The following LDLRAD3 variants were observed in gnomAD, a reference collection of about 807,000 sequenced individuals.
LDLRAD3 encodes the protein low-density lipoprotein receptor class A domain-containing protein 3.
In LDLRAD3, 20 loss-of-function variants were observed where a neutral mutation model predicts 29.4. The observed-to-expected ratio is 0.68, with a 90% CI of 0.48 to 0.99. LDLRAD3 has a LOEUF of 0.99. Ranked by LOEUF, LDLRAD3 falls within the 50% of genes least tolerant of loss-of-function variation. The pLI, the probability that LDLRAD3 is intolerant of heterozygous loss-of-function variation, is 0.00. For missense variants in LDLRAD3, 420 were observed against 454.3 expected (o/e 0.92, Z 0.69); for synonymous variants, 157 against 192.7 (o/e 0.81, Z 1.53).
At position 36,183,861 on chromosome 11, in the gene LDLRAD3, G is replaced by A. The variant is rs540447010; in HGVS notation, c.455-43224G>A. ...GTTCATTTATTCTTTTTTCATCTGT[G>A]TCTAATCTACGGTTAAGTGGGTCCA... On this transcript the variant is annotated intron_variant, in intron 4 of 5. Transcript: ENST00000315571. Among the ~76,000 whole-genome samples, 5 of 151,510 alleles carry A rather than the reference G, an allele frequency of 3.3e-5. No homozygotes were observed. The South Asian group carries it at 8.3e-4, about 25-fold the overall frequency.
chr11:36,007,927 G>A (rs1565157854), intron 1 of LDLRAD3, among the ~76,000 whole-genome samples: 3 of 152,152 alleles, frequency 2.0e-5, no homozygotes, highest in African/African-American at 7.2e-5. Context: ...AGAATTGAGT[G>A]AAGATGAAAT....
At chr11:36,184,632 A>C (rs1206674240) in intron 4 of LDLRAD3, among the ~76,000 whole-genome samples, 1 of 152,198 alleles carries the variant, frequency 6.6e-6, no homozygotes, top group African/African-American at 2.4e-5. Flanking sequence ...ATTTCAAACC[A>C]AGTTTTTGAG....
intron 1 of LDLRAD3, among the ~76,000 whole-genome samples, chr11:35,998,753 G>T (rs1259793299): frequency 6.6e-6 from 1 of 152,146 alleles, no homozygotes; most frequent in Non-Finnish European, 1.5e-5. Flanking sequence ...TTTAAAGTAG[G>T]CTCATTACTA....
chr11:36,093,914 T>C (rs1467529408), intron 3 of LDLRAD3, among the ~76,000 whole-genome samples: 1 of 127,022 alleles, frequency 7.9e-6, no homozygotes, highest in African/African-American at 2.7e-5. Context: ...GCAAAAAAGG[T>C]TAAAGTTGAA....
chr11:36,103,154 C>T (rs778246772), intron 4 of LDLRAD3, among the ~76,000 whole-genome samples: 4 of 151,914 alleles, frequency 2.6e-5, no homozygotes, highest in East Asian at 1.9e-4. Flanking sequence ...CCCCAGGCCC[C>T]GGGCAGTCAT....
chr11:35,963,050 A>G (rs1311478556), intron 1 of LDLRAD3, among the ~76,000 whole-genome samples: 1 of 152,258 alleles, frequency 6.6e-6, no homozygotes, highest in East Asian at 1.9e-4. Flanking sequence ...GGTGACAGTC[A>G]GTCACAACTG....
chr11:36,200,939 T>C (rs980165685), intron 4 of LDLRAD3, among the ~76,000 whole-genome samples: 16 of 152,088 alleles, frequency 1.1e-4, no homozygotes, highest in Non-Finnish European at 2.4e-4. Flanking sequence ...GCAGAAGGGA[T>C]CCCCAAAACA....
chr11:36,062,187 T>G (rs111254225), intron 2 of LDLRAD3, among the ~76,000 whole-genome samples: 3 of 152,076 alleles, frequency 2.0e-5, no homozygotes, highest in African/African-American at 7.2e-5. Flanking sequence ...GTCTGTTTGA[T>G]TTCTATGATA....
rs1471894772 is a variant in LDLRAD3, at chr11:36,213,024, T to TTCTC, written c.455-14055_455-14052dup. On this transcript the variant is annotated intron_variant, in intron 4 of 5. Transcript: ENST00000315571. The surrounding 1 kb of genome is among the most constrained non-coding windows in gnomAD (Gnocchi z 4.1). The stretch of plus-strand genomic sequence containing the variant: ...ATTCGGTCTTCAGTTTAGAACTTTC[T>TTCTC]TCTCTCTCTGTCTCTCTCTCCCCCA... Among the ~76,000 whole-genome samples, 2 of 151,566 alleles carry TTCTC rather than the reference T, an allele frequency of 1.3e-5. No homozygotes were observed. The highest frequency in any genetic ancestry group is 2.9e-5 in the Non-Finnish European group (2 of 67,938).
chr11:36,137,909 G>A (rs1372694842), intron 4 of LDLRAD3, among the ~76,000 whole-genome samples: 4 of 152,224 alleles, frequency 2.6e-5, no homozygotes, highest in Non-Finnish European at 5.9e-5. Context: ...ATTCACAGAC[G>A]TCTCTAGTTC....
chr11:35,982,495 G>T (rs1432284947), intron 1 of LDLRAD3, among the ~76,000 whole-genome samples: 2 of 152,148 alleles, frequency 1.3e-5, no homozygotes, highest in Admixed American at 1.3e-4. Context: ...GAGTTAACTG[G>T]AGGTTAGGAC....
At chr11:35,951,244 G>A (rs964894293) in intron 1 of LDLRAD3, among the ~76,000 whole-genome samples, 72 of 151,732 alleles carry the variant, frequency 4.7e-4, no homozygotes, top group African/African-American at 1.7e-3. Flanking sequence ...GAATTGTCTG[G>A]TATATATCAA....
At chr11:35,958,477 G>T (rs766999168) in intron 1 of LDLRAD3, among the ~76,000 whole-genome samples, 1 of 152,152 alleles carries the variant, frequency 6.6e-6, no homozygotes, top group Non-Finnish European at 1.5e-5. Context: ...CAATCTGGCC[G>T]TAGTAGTCCC....
chr11:35,955,153 G>A (rs987674884), intron 1 of LDLRAD3, among the ~76,000 whole-genome samples: 1 of 152,218 alleles, frequency 6.6e-6, no homozygotes, highest in Non-Finnish European at 1.5e-5. Context: ...GCCGAGGCAC[G>A]AGAATCGCTT....
chr11:36,080,548 G>A (rs1853097823), intron 2 of LDLRAD3, among the ~76,000 whole-genome samples: 1 of 152,192 alleles, frequency 6.6e-6, no homozygotes, highest in Non-Finnish European at 1.5e-5. Context: ...CCAGCTGTGT[G>A]ACCTTGGGCA....
intron 4 of LDLRAD3, among the ~76,000 whole-genome samples, chr11:36,154,538 T>C (rs1880710): frequency 0.24 from 37,086 of 152,096 alleles, 4,707 homozygotes; most frequent in East Asian, 0.3. Flanking sequence ...TTTAGAGAAG[T>C]CGTAGGGAAA....
intron 1 of LDLRAD3, among the ~76,000 whole-genome samples, chr11:35,954,163 A>C (rs1851172399): frequency 6.6e-6 from 1 of 152,246 alleles, no homozygotes; most frequent in South Asian, 2.1e-4. Context: ...TGACAATACA[A>C]GAAAAGCTAA....
At chr11:36,129,785 C>T (rs968824162) in intron 4 of LDLRAD3, among the ~76,000 whole-genome samples, 3 of 152,202 alleles carry the variant, frequency 2.0e-5, no homozygotes, top group African/African-American at 7.2e-5. Flanking sequence ...CCAATCCACC[C>T]ACCTCCTCTG....
At chr11:36,042,406 C>T (rs1565180852) in intron 2 of LDLRAD3, among the ~76,000 whole-genome samples, 1 of 152,156 alleles carries the variant, frequency 6.6e-6, no homozygotes, top group Non-Finnish European at 1.5e-5. Context: ...CTTGCTGCTG[C>T]TTCTCTTGGG....
Sources: allele counts gnomAD v4.1 joint callset (sites outside exome capture counted in the v4.1 genomes callset), GRCh38; gene constraint gnomAD v4.1.1; non-coding constraint Gnocchi (gnomAD v3.1); transcripts MANE v1.5; gene names NCBI Gene and HGNC (gene_info 2026-07-23, HGNC 2026-07-21).